Variants in PLPPR5 observed in about 807,000 individuals in gnomAD.
PLPPR5 encodes the protein phospholipid phosphatase related 5, also known as phospholipid phosphatase-related protein type 5.
Under a neutral mutation model 33.9 loss-of-function variants are expected in PLPPR5, and 16 were observed. That is an observed-to-expected ratio of 0.47 (90% confidence interval 0.32 to 0.72). The LOEUF is 0.72. PLPPR5 is among the 30% of genes least tolerant of loss of function. The pLI, the probability that PLPPR5 is intolerant of heterozygous loss-of-function variation, is 0.03. For synonymous variants in PLPPR5, 163 were observed against 150.3 expected (o/e 1.08, Z -0.62); for missense variants, 301 against 406.7 (o/e 0.74, Z 2.23).
intron 1 of PLPPR5, among the ~76,000 whole-genome samples, chr1:98,979,335 CTG>C (rs1651975794): frequency 6.6e-6 from 1 of 152,088 alleles, no homozygotes; most frequent in East Asian, 1.9e-4. Context: ...GGTTGCATGA[CTG>C]TGAGCAAGTC....
intron 3 of PLPPR5, among the ~76,000 whole-genome samples, chr1:98,925,877 G>T (rs1649739086): frequency 6.6e-6 from 1 of 152,098 alleles, no homozygotes. Flanking sequence ...TGTTCTCAAA[G>T]CACCTTGTTC....
chr1:98,928,726 G>C (rs144766027), intron 3 of PLPPR5, among the ~76,000 whole-genome samples: 3,088 of 151,082 alleles, frequency 0.02, 34 homozygotes, highest in African/African-American at 0.028. Context: ...ATATTGCTTC[G>C]AGTTGGGCAC....
At chr1:98,902,571 TTA>T (rs1648735478) in intron 5 of PLPPR5, among the ~76,000 whole-genome samples, 1 of 152,086 alleles carries the variant, frequency 6.6e-6, no homozygotes, top group Non-Finnish European at 1.5e-5. Flanking sequence ...CAAATAAAAT[TTA>T]ATATTTTTTC....
chr1:98,895,546 A>G (rs2101130247), intron 5 of PLPPR5, among the ~76,000 whole-genome samples: 1 of 152,172 alleles, frequency 6.6e-6, no homozygotes. Context: ...AGTGATCACT[A>G]GATCTCCCTT....
intron 1 of PLPPR5, among the ~76,000 whole-genome samples, chr1:98,959,257 G>T (rs1651136319): frequency 1.3e-5 from 2 of 152,122 alleles, no homozygotes; most frequent in African/African-American, 4.8e-5. Context: ...CCTTGCTGGG[G>T]CCACTTTTCC....
intron 1 of PLPPR5, among the ~76,000 whole-genome samples, chr1:98,993,754 T>TA (rs915194051): frequency 2.0e-5 from 3 of 152,068 alleles, no homozygotes; most frequent in Non-Finnish European, 4.4e-5. Flanking sequence ...TTTCGGAGTG[T>TA]AAAAAGTGCT....
chr1:98,898,268 A>G (rs1211265612), intron 5 of PLPPR5, among the ~76,000 whole-genome samples: 1 of 152,188 alleles, frequency 6.6e-6, no homozygotes, highest in Non-Finnish European at 1.5e-5. Context: ...AATATTTTGA[A>G]TTCTGTAAAA....
chr1:98,929,366 CTT>C (rs1294214167), intron 3 of PLPPR5, among the ~76,000 whole-genome samples: 4 of 152,286 alleles, frequency 2.6e-5, no homozygotes, highest in Middle Eastern at 3.4e-3. Flanking sequence ...TGTATTCTAA[CTT>C]ATGGGCATGG....
intron 1 of PLPPR5, among the ~76,000 whole-genome samples, chr1:98,957,851 T>C (rs1651072524): frequency 6.6e-6 from 1 of 152,238 alleles, no homozygotes; most frequent in East Asian, 1.9e-4. Context: ...TGCTTTGCTC[T>C]ACTCTGTTGA....
chr1:98,991,861 A>T (rs1652462733), intron 1 of PLPPR5, among the ~76,000 whole-genome samples: 1 of 152,116 alleles, frequency 6.6e-6, no homozygotes. Context: ...AGAGGCCCAA[A>T]AAAAAGGACT....
intron 1 of PLPPR5, among the ~76,000 whole-genome samples, chr1:98,965,059 C>T (rs891555282): frequency 3.3e-5 from 5 of 151,576 alleles, no homozygotes; most frequent in Admixed American, 1.3e-4. Context: ...GCAGTCCGCC[C>T]GCCTCAGCCT....
At chr1:98,998,539 G>A (rs552479835) in intron 1 of PLPPR5, among the ~76,000 whole-genome samples, 8 of 152,226 alleles carry the variant, frequency 5.3e-5, no homozygotes, top group East Asian at 1.9e-4. Context: ...GTTTTCCATC[G>A]AAGCAGGAAC....
At chr1:98,975,858 ATCT>A (rs1651828804) in intron 1 of PLPPR5, among the ~76,000 whole-genome samples, 1 of 152,010 alleles carries the variant, frequency 6.6e-6, no homozygotes, top group African/African-American at 2.4e-5. Context: ...AATATTTGTA[ATCT>A]TCTTGCACAA....
chr1:98,904,549 C>G (rs764289682), intron 5 of PLPPR5, among the ~76,000 whole-genome samples: 3 of 151,982 alleles, frequency 2.0e-5, no homozygotes, highest in Non-Finnish European at 4.4e-5. Flanking sequence ...CCAGATAAAG[C>G]CTTTTTCTCT....
chr1:98,891,929 G>A lies in PLPPR5; in HGVS notation c.*1143C>T, dbSNP rs940311555. Reference sequence around the variant, plus strand: ...AAACTTGAATTTAAGCTTCAACTATGTCTCTTACTAGTTTGTGATTTGGCA... The same window carrying A: ...AAACTTGAATTTAAGCTTCAACTATATCTCTTACTAGTTTGTGATTTGGCA... On this transcript the variant is annotated 3_prime_UTR_variant, in exon 6 of 6. Coordinates refer to ENST00000263177, the MANE Select transcript of PLPPR5 (RefSeq NM_001037317.2). 1 of 151,820 alleles carries A rather than the reference G, an allele frequency of 6.6e-6. No homozygotes were observed. The highest frequency in any genetic ancestry group is 1.5e-5 in the Non-Finnish European group (1 of 67,962). The allele number at this position is 151,820 out of a possible 1,614,324, so 9.4% of individuals were successfully genotyped here. A position where few individuals can be genotyped will look rare whatever the true frequency, so the allele number is the denominator to read the frequency against.
intron 1 of PLPPR5, among the ~76,000 whole-genome samples, chr1:98,998,301 G>A (rs1652699803): frequency 2.0e-5 from 3 of 152,078 alleles, no homozygotes; most frequent in Admixed American, 6.6e-5. Flanking sequence ...CATATACCAC[G>A]GTTTGCAGAT....
intron 1 of PLPPR5, among the ~76,000 whole-genome samples, chr1:98,993,427 TA>T (rs1380864520): frequency 6.6e-6 from 1 of 152,036 alleles, no homozygotes. Flanking sequence ...ATTCATGTGA[TA>T]AGGAGCCAGA....
At chr1:98,966,427 A>T (rs1651454243) in intron 1 of PLPPR5, among the ~76,000 whole-genome samples, 1 of 152,202 alleles carries the variant, frequency 6.6e-6, no homozygotes, top group African/African-American at 2.4e-5. Context: ...GCACTGTTCT[A>T]AGTGCTTTCC....
chr1:98,952,605 C>T (rs1325004633), intron 3 of PLPPR5, among the ~76,000 whole-genome samples: 3 of 152,122 alleles, frequency 2.0e-5, no homozygotes, highest in Admixed American at 6.5e-5. Flanking sequence ...AAACGTTAAA[C>T]GCTAATTGAG....
Sources: allele counts gnomAD v4.1 joint callset (sites outside exome capture counted in the v4.1 genomes callset), GRCh38; gene constraint gnomAD v4.1.1; transcripts MANE v1.5; gene names NCBI Gene and HGNC (gene_info 2026-07-23, HGNC 2026-07-21).